WWP2: variants seen among roughly 807,000 people sequenced by gnomAD.
The protein encoded by WWP2 is NEDD4-like E3 ubiquitin-protein ligase WWP2.
Under a neutral mutation model 121.0 loss-of-function variants are expected in WWP2, and 57 were observed. The observed-to-expected ratio is 0.47, with a 90% CI of 0.38 to 0.59. WWP2 has a LOEUF of 0.59. Ranked by LOEUF, WWP2 falls within the 20% of genes least tolerant of loss-of-function variation. WWP2 has a pLI of 0.00. For missense variants in WWP2, 962 were observed against 1,158.9 expected, an observed-to-expected ratio of 0.83 and a Z score of 2.47; for synonymous variants, 449 against 441.3, an observed-to-expected ratio of 1.02 and a Z score of -0.22.
intron 6 of WWP2, among the ~76,000 whole-genome samples, chr16:69,849,163 C>T (rs989266921): frequency 1.7e-4 from 26 of 152,216 alleles, no homozygotes; most frequent in African/African-American, 6.3e-4. Context: ...TGTGAGTCCA[C>T]TGTGAACACT....
At chr16:69,871,251 C>T (rs1042186104) in intron 6 of WWP2, among the ~76,000 whole-genome samples, 7 of 152,144 alleles carry the variant, frequency 4.6e-5, no homozygotes, top group African/African-American at 1.7e-4. Flanking sequence ...GCCACTCCAG[C>T]CTGGGCAGCA....
intron 2 of WWP2, among the ~76,000 whole-genome samples, chr16:69,794,079 G>A (rs373740114): frequency 3.3e-5 from 5 of 151,994 alleles, no homozygotes; most frequent in African/African-American, 1.2e-4. Context: ...CACCACGCCC[G>A]GCTAAGTTTT....
intron 4 of WWP2, among the ~76,000 whole-genome samples, chr16:69,837,262 C>T (rs1245234954): frequency 6.6e-6 from 1 of 151,626 alleles, no homozygotes; most frequent in African/African-American, 2.4e-5. Flanking sequence ...GACAGAGTCT[C>T]ACTGTGTTAC....
intron 4 of WWP2, among the ~76,000 whole-genome samples, chr16:69,824,630 C>T (rs187970981): frequency 1.1e-4 from 17 of 151,540 alleles, no homozygotes; most frequent in Non-Finnish European, 2.5e-4. Context: ...AATTCATTCT[C>T]TTGGAGGGAG....
At chr16:69,783,796 A>G (rs530637014) in intron 1 of WWP2, among the ~76,000 whole-genome samples, 1 of 151,824 alleles carries the variant, frequency 6.6e-6, no homozygotes, top group Non-Finnish European at 1.5e-5. Flanking sequence ...AACAACAACA[A>G]CAACAACAAA....
In WWP2 at chr16:69,848,318, C is replaced by T. The variant is rs1257663972; in HGVS notation, c.575+6198C>T. On this transcript the variant is annotated intron_variant, in intron 6 of 23. Coordinates refer to ENST00000359154, the MANE Select transcript of WWP2 (RefSeq NM_001270454.2). ...ATACAAAGTTAGCCAGGCGTGGTGGCGCATGCCTGTAATCCCGGCTACGTG... is the reference window on the plus strand; with the variant it reads ...ATACAAAGTTAGCCAGGCGTGGTGGTGCATGCCTGTAATCCCGGCTACGTG... Among the ~76,000 whole-genome samples, 6 of 152,116 alleles carry T rather than the reference C, an allele frequency of 3.9e-5. 1 individual carries two copies. The highest frequency in any genetic ancestry group is 4.1e-4 in the South Asian group (2 of 4,828).
At chr16:69,795,918 G>A (rs2056029703) in intron 2 of WWP2, among the ~76,000 whole-genome samples, 1 of 151,748 alleles carries the variant, frequency 6.6e-6, no homozygotes. Context: ...AAAGAGCTGG[G>A]ATTACAGGCG....
chr16:69,771,952 CTTTTTTTTTT>C (rs56376857), intron 1 of WWP2, among the ~76,000 whole-genome samples: 1 of 55,808 alleles, frequency 1.8e-5, no homozygotes, highest in Non-Finnish European at 3.4e-5. Flanking sequence ...TCTTTTTAGT[CTTTTTTTTTT>C]TTTTTTTTTT....
chr16:69,828,904 T>C (rs2056748777), intron 4 of WWP2, among the ~76,000 whole-genome samples: 1 of 152,170 alleles, frequency 6.6e-6, no homozygotes, highest in African/African-American at 2.4e-5. Flanking sequence ...TGAGCTCTCT[T>C]CCCACGTATC....
intron 4 of WWP2, among the ~76,000 whole-genome samples, chr16:69,830,414 AC>A (rs1448077006): frequency 1.3e-5 from 2 of 152,196 alleles, no homozygotes; most frequent in African/African-American, 2.4e-5. Context: ...GAATGAATGA[AC>A]AAGAAACAGA....
At chr16:69,894,649 G>A (rs1286287697) in intron 8 of WWP2, among the ~76,000 whole-genome samples, 2 of 152,228 alleles carry the variant, frequency 1.3e-5, no homozygotes, top group Non-Finnish European at 2.9e-5. Context: ...AAGGTTTGAA[G>A]GGGCTAGTGA....
At chr16:69,806,263 A>G (rs987246232) in intron 4 of WWP2, among the ~76,000 whole-genome samples, 7 of 152,246 alleles carry the variant, frequency 4.6e-5, no homozygotes, top group African/African-American at 1.7e-4. Context: ...TAGAATTTCT[A>G]GAATATACCT....
At chr16:69,778,981 G>T (rs1038796431) in intron 1 of WWP2, among the ~76,000 whole-genome samples, 2 of 143,640 alleles carry the variant, frequency 1.4e-5, no homozygotes, top group East Asian at 2.1e-4. Context: ...ATGGAGTCTC[G>T]CTCTGTTGCC....
At chr16:69,828,473 T>G (rs1244381257) in intron 4 of WWP2, among the ~76,000 whole-genome samples, 2 of 152,076 alleles carry the variant, frequency 1.3e-5, no homozygotes, top group Non-Finnish European at 2.9e-5. Context: ...TTCAAGCGAG[T>G]CTCCTGCCTC....
chr16:69,783,023 T>G (rs1369870985), intron 1 of WWP2: 2 of 150,324 alleles, frequency 1.3e-5, no homozygotes, highest in African/African-American at 4.9e-5. Context: ...TTTTTTTTTT[T>G]TTTTTGAGAT....
In WWP2 at chr16:69,891,390, T is replaced by C. The variant is rs936020498; in HGVS notation, c.914+3141T>C. Among the ~76,000 whole-genome samples the C allele has an allele frequency of 5.9e-5, 9 of 152,162 alleles. No homozygotes were observed. The South Asian group carries it at 6.2e-4, about 10-fold the overall frequency. Reference sequence around the variant, plus strand: ...GCAAAGGGATTGGAGTGCTATCTCTTAGGAACTGCATCTTCTTGAGTTTGC... The same window carrying C: ...GCAAAGGGATTGGAGTGCTATCTCTCAGGAACTGCATCTTCTTGAGTTTGC... On this transcript the variant is annotated intron_variant, in intron 8 of 23. Coordinates refer to ENST00000359154, the MANE Select transcript of WWP2 (RefSeq NM_001270454.2).
chr16:69,842,194 G>T, intron 6 of WWP2, 74 bp downstream of exon 6: 1 of 1,415,134 alleles, frequency 7.1e-7, no homozygotes, highest in Non-Finnish European at 9.8e-7. Flanking sequence ...GGGACATGGC[G>T]GGGAACATTT....
chr16:69,934,274 C>G (rs2151995420), intron 17 of WWP2, 145 bp downstream of exon 17: 1 of 1,103,000 alleles, frequency 9.1e-7, no homozygotes, highest in East Asian at 2.6e-5. Context: ...GGCCCTGGGC[C>G]TGTTCACCAG....
At chr16:69,842,578 T>G (rs1053620302) in intron 6 of WWP2, among the ~76,000 whole-genome samples, 1 of 152,178 alleles carries the variant, frequency 6.6e-6, no homozygotes, top group Non-Finnish European at 1.5e-5. Flanking sequence ...GAACATATGG[T>G]ATTTGGTTTT....
Sources: allele counts gnomAD v4.1 joint callset (sites outside exome capture counted in the v4.1 genomes callset), GRCh38; gene constraint gnomAD v4.1.1; transcripts MANE v1.5; gene names NCBI Gene and HGNC (gene_info 2026-07-23, HGNC 2026-07-21).